The following RIMS1 variants were observed in gnomAD, a reference collection of about 807,000 sequenced individuals.
RIMS1 encodes regulating synaptic membrane exocytosis 1, also known as regulating synaptic membrane exocytosis protein 1.
Under a neutral mutation model 214.1 loss-of-function variants are expected in RIMS1, and 83 were observed. The ratio of observed to expected loss-of-function variants is 0.39; its 90% CI spans 0.32 to 0.47. RIMS1 has a LOEUF of 0.47. Among genes scored for constraint, RIMS1 ranks in the 20% least tolerant of loss-of-function variants. The probability of loss-of-function intolerance (pLI) is 0.99; values close to 1 mark genes in which losing one functional copy is unlikely to be tolerated. For synonymous variants in RIMS1, 793 were observed against 786.8 expected (o/e 1.01, Z -0.13); for missense variants, 2,050 against 2,161.8 (o/e 0.95, Z 1.03).
In RIMS1 at chr6:71,887,057, C is replaced by T. The variant is rs1446666773; in HGVS notation, c.34C>T (p.Pro12Ser). The T allele has an allele frequency of 1.9e-6, 3 of 1,613,426 alleles. No individual in the cohort carries two copies. The African/African-American group carries it at 4.0e-5, about 22-fold the overall frequency. Reference protein sequence around the residue: ...SSAVGPRGPRPPTVPPPMQEL... With the variant: ...SSAVGPRGPRSPTVPPPMQEL... Reference sequence around the variant, plus strand: ...GGCCGTGGGGCCCCGCGGTCCTCGCCCACCCACGGTGCCTCCCCCCATGCA... The same window carrying T: ...GGCCGTGGGGCCCCGCGGTCCTCGCTCACCCACGGTGCCTCCCCCCATGCA... Residue 12 changes from proline (P) to serine (S), a missense_variant, in exon 1 of 34, where the codon CCA (proline) becomes TCA (serine). Around this residue, in one of 6 missense-constraint regions of RIMS1, gnomAD observed 882 missense variants for 828.9 expected, o/e 1.06. Transcript: ENST00000521978.
chr6:72,215,298 A>G (rs1259202698), intron 6 of RIMS1, among the ~76,000 whole-genome samples: 1 of 152,200 alleles, frequency 6.6e-6, no homozygotes. Context: ...CATGGGAAAT[A>G]AAAGTATATC....
At chr6:72,281,922 T>A (rs896700037) in intron 23 of RIMS1, among the ~76,000 whole-genome samples, 4 of 152,138 alleles carry the variant, frequency 2.6e-5, no homozygotes, top group African/African-American at 9.7e-5. Context: ...TTGTCTTGTA[T>A]CAACAAAGTG....
At chr6:71,984,685 A>G (rs1448814772) in intron 2 of RIMS1, among the ~76,000 whole-genome samples, 1 of 152,114 alleles carries the variant, frequency 6.6e-6, no homozygotes, top group East Asian at 1.9e-4. Context: ...CAAGCAGAAC[A>G]TTGTAAGTTG....
intron 6 of RIMS1, among the ~76,000 whole-genome samples, chr6:72,205,281 G>T (rs538598255): frequency 6.6e-6 from 1 of 152,212 alleles, no homozygotes; most frequent in East Asian, 1.9e-4. Context: ...AAGAAATAAA[G>T]CAACATCAAT....
intron 28 of RIMS1, among the ~76,000 whole-genome samples, chr6:72,333,114 T>A (rs1204053737): frequency 1.3e-5 from 2 of 152,020 alleles, no homozygotes; most frequent in Middle Eastern, 3.4e-3. Context: ...GCAAGATGTG[T>A]TAGTTAGAAT....
chr6:72,394,420 T>C (rs948655389), intron 31 of RIMS1, among the ~76,000 whole-genome samples: 2 of 152,046 alleles, frequency 1.3e-5, no homozygotes, highest in African/African-American at 2.4e-5. Context: ...AATATTAATA[T>C]TGGGAGAATG....
At chr6:72,243,869 A>C (rs1041127452) in intron 10 of RIMS1, among the ~76,000 whole-genome samples, 2 of 151,710 alleles carry the variant, frequency 1.3e-5, no homozygotes, top group African/African-American at 4.8e-5. Flanking sequence ...TTCAAAGGAC[A>C]TGGAATACAA....
intron 11 of RIMS1, among the ~76,000 whole-genome samples, chr6:72,246,873 T>C (rs1265051847): frequency 6.6e-6 from 1 of 152,184 alleles, no homozygotes. Context: ...GAAAATGTAT[T>C]TTAAATATAC....
At chr6:72,290,239 A>G (rs1381364935) in intron 24 of RIMS1, among the ~76,000 whole-genome samples, 1 of 152,214 alleles carries the variant, frequency 6.6e-6, no homozygotes, top group African/African-American at 2.4e-5. Flanking sequence ...AGAGGCCTAC[A>G]GTATTTCTTC....
At chr6:72,054,233 C>T (rs1825523819) in intron 2 of RIMS1, among the ~76,000 whole-genome samples, 1 of 152,122 alleles carries the variant, frequency 6.6e-6, no homozygotes. Flanking sequence ...CTGTTTCATC[C>T]ATGTCCCTGC....
Position 72,368,332 on chromosome 6 carries a change from C to T in RIMS1, c.4367-22266C>T, listed in dbSNP as rs371303902. Among the ~76,000 whole-genome samples the T allele has an allele frequency of 1.4e-4, 17 of 120,932 alleles. 1 individual carries two copies. In the South Asian group the frequency reaches 2.8e-3, roughly 20 times the overall value. The allele number at this position is 120,932 out of a possible 152,430, so 79.3% of individuals were successfully genotyped here. A position where few individuals can be genotyped will look rare whatever the true frequency, so the allele number is the denominator to read the frequency against. Reference sequence around the variant, plus strand: ...TTTTTTTTTTTTTGAGACAGAGTCTCGCTCTGTCACCCAGGCTGGAGTGCA... The same window carrying T: ...TTTTTTTTTTTTTGAGACAGAGTCTTGCTCTGTCACCCAGGCTGGAGTGCA... On this transcript the variant is annotated intron_variant, in intron 29 of 33. Transcript: ENST00000521978.
chr6:72,344,137 C>T (rs1320008364), intron 29 of RIMS1, among the ~76,000 whole-genome samples: 1 of 151,758 alleles, frequency 6.6e-6, no homozygotes, highest in African/African-American at 2.4e-5. Context: ...AAAAGTCACA[C>T]AGGTAATGCA....
chr6:72,183,304 T>C (rs1236190344), intron 6 of RIMS1, among the ~76,000 whole-genome samples, 155 bp downstream of exon 6: 1 of 152,224 alleles, frequency 6.6e-6, no homozygotes, highest in African/African-American at 2.4e-5. Flanking sequence ...TTATTTTTAT[T>C]AATTTAATTT....
At chr6:72,211,054 G>A (rs1021678097) in intron 6 of RIMS1, among the ~76,000 whole-genome samples, 2 of 152,174 alleles carry the variant, frequency 1.3e-5, no homozygotes, top group African/African-American at 2.4e-5. Flanking sequence ...AGGAGGTATC[G>A]TGAACCTGAA....
chr6:72,044,062 C>A (rs1007677756), intron 2 of RIMS1, among the ~76,000 whole-genome samples: 3 of 151,150 alleles, frequency 2.0e-5, no homozygotes, highest in Admixed American at 6.6e-5. Flanking sequence ...GTGTATTTTT[C>A]TGAGAAATCA....
chr6:72,095,925 A>G (rs1342122263), intron 2 of RIMS1, among the ~76,000 whole-genome samples: 2 of 152,234 alleles, frequency 1.3e-5, no homozygotes, highest in East Asian at 1.9e-4. Context: ...GCCAATGACT[A>G]TTGGCTAGGC....
rs561544873 is a variant in RIMS1, at chr6:72,267,132, G to T, written c.3398+1083G>T. Among the ~76,000 whole-genome samples the T allele has an allele frequency of 3.9e-5, 6 of 152,138 alleles. No individual in the cohort carries two copies. In the South Asian group the frequency reaches 1.2e-3, roughly 32 times the overall value. ...TAGAAAAAAGTGAAATTTAATTTCT[G>T]TCTTGTATCCCTTTACTTTTGTAAT... is the stretch of plus-strand genomic sequence containing the variant. On this transcript the variant is annotated intron_variant, in intron 22 of 33. Transcript: ENST00000521978.
chr6:72,222,394 A>G (rs1589508331), intron 6 of RIMS1, among the ~76,000 whole-genome samples: 1 of 152,004 alleles, frequency 6.6e-6, no homozygotes, highest in Non-Finnish European at 1.5e-5. Flanking sequence ...GATCTTTTCC[A>G]TTTTTTTGTA....
chr6:72,273,496 TG>T (rs2084517605), intron 22 of RIMS1, among the ~76,000 whole-genome samples: 2 of 152,142 alleles, frequency 1.3e-5, no homozygotes, highest in Non-Finnish European at 1.5e-5. Context: ...TTGAAATTTG[TG>T]TCTGTGCACA....
Sources: gnomAD v4.1 joint callset for allele counts (sites outside exome capture counted in the v4.1 genomes callset) on GRCh38, gnomAD v4.1.1 for gene constraint, gnomAD v4.1.1 regional missense constraint, MANE v1.5 for transcripts, NCBI Gene and HGNC (gene_info 2026-07-23, HGNC 2026-07-21) for gene names.